The following PELO variants were observed in gnomAD, a reference collection of about 807,000 sequenced individuals.
The protein encoded by PELO is protein pelota homolog.
PELO carries 19 observed loss-of-function variants against 25.9 expected under a neutral mutation model. That is an observed-to-expected ratio of 0.73 (90% CI 0.51 to 1.08). PELO has a LOEUF of 1.08. PELO is among the 50% of genes least tolerant of loss of function. The pLI is 0.00. For missense variants in PELO, 498 were observed against 491.4 expected, an observed-to-expected ratio of 1.01 and a Z score of -0.13; for synonymous variants, 196 against 192.2, an observed-to-expected ratio of 1.02 and a Z score of -0.16.
At chr5:52,796,344 T>C (rs888168861) in intron 1 of PELO, among the ~76,000 whole-genome samples, 2 of 151,820 alleles carry the variant, frequency 1.3e-5, no homozygotes, top group Non-Finnish European at 3.0e-5. Flanking sequence ...TTAATATAAA[T>C]AAGACATTGT....
rs575739533 is a variant in PELO at position 52,791,419 on chromosome 5, C to T, written c.-511+3005C>T. On this transcript the variant is annotated intron_variant, in intron 1 of 2. Coordinates refer to ENST00000274311, the MANE Select transcript of PELO (RefSeq NM_015946.5). Reference sequence around the variant, plus strand: ...GTGGCCATTAGACTGGAGTTGTGGTCATAAAAAGGAATGCAGCTAGTGACA... The same window carrying T: ...GTGGCCATTAGACTGGAGTTGTGGTTATAAAAAGGAATGCAGCTAGTGACA... Among the ~76,000 whole-genome samples, 23 of 152,112 alleles carry T rather than the reference C, an allele frequency of 1.5e-4. No homozygotes were observed. The South Asian group carries it at 3.1e-3, about 21-fold the overall frequency.
intron 1 of PELO, among the ~76,000 whole-genome samples, 175 bp downstream of exon 1, chr5:52,788,589 T>C (rs1286854798): frequency 6.6e-6 from 1 of 152,180 alleles, no homozygotes; most frequent in Non-Finnish European, 1.5e-5. Flanking sequence ...CGTTCTGGTT[T>C]TGATATGAAT....
Position 52,800,339 on chromosome 5 carries a change from G to A in PELO, c.-56G>A. On this transcript the variant is annotated 5_prime_UTR_variant, in exon 2 of 3. Coordinates refer to ENST00000274311, the MANE Select transcript of PELO (RefSeq NM_015946.5). ...GCATTCCCATCCCCTCTCCCGGGGCGGAGGTGAGGACCTCCTTGGTTCCTT... is the reference window on the plus strand; with the variant it reads ...GCATTCCCATCCCCTCTCCCGGGGCAGAGGTGAGGACCTCCTTGGTTCCTT... 2 of 1,599,034 alleles carry A rather than the reference G, an allele frequency of 1.3e-6. No individual in the cohort carries two copies. The highest frequency in any genetic ancestry group is 1.7e-6 in the Non-Finnish European group (2 of 1,170,666).
intron 1 of PELO, among the ~76,000 whole-genome samples, chr5:52,797,753 C>T (rs920691651): frequency 6.6e-6 from 1 of 152,154 alleles, no homozygotes; most frequent in Non-Finnish European, 1.5e-5. Context: ...ATCTTGAAAA[C>T]ATTTCTTAAC....
chr5:52,790,249 G>T (rs539894710), intron 1 of PELO, among the ~76,000 whole-genome samples: 47 of 152,234 alleles, frequency 3.1e-4, no homozygotes, highest in African/African-American at 1.1e-3. Context: ...TCTGTTTTTA[G>T]TCAAAAATCT....
rs1748503986 is a variant in PELO at position 52,802,228 on chromosome 5, C to A, written c.*388C>A. 1 of 161,562 alleles carries A rather than the reference C, an allele frequency of 6.2e-6. No individual in the cohort carries two copies. The highest frequency in any genetic ancestry group is 1.4e-5 in the Non-Finnish European group (1 of 73,944). 10.0% of individuals were successfully genotyped at this position (161,562 alleles called of 1,614,324 possible). On this transcript the variant is annotated 3_prime_UTR_variant, in exon 3 of 3. Coordinates refer to ENST00000274311, the MANE Select transcript of PELO (RefSeq NM_015946.5). ...TAGAAAAAGCTTTTGCTATCTTATC[C>A]TGTTTACATTATTTCTTTATTTTAA...
At chr5:52,795,578 A>C (rs553027627) in intron 1 of PELO, among the ~76,000 whole-genome samples, 45 of 152,046 alleles carry the variant, frequency 3.0e-4, no homozygotes, top group African/African-American at 1.0e-3. Context: ...AGTAGAGCTG[A>C]ATAACATAAA....
Position 52,801,493 on chromosome 5 carries a change from G to C in PELO, c.811G>C (p.Ala271Pro), listed in dbSNP as rs1263222616. Residue 271 changes from alanine to proline, a missense_variant, in exon 3 of 3, where the codon GCT (alanine) becomes CCT (proline). Coordinates refer to ENST00000274311, the MANE Select transcript of PELO (RefSeq NM_015946.5). Reference protein sequence around the residue: ...TVASRLSDTKAAGEVKALDDF... With the variant: ...TVASRLSDTKPAGEVKALDDF... The stretch of plus-strand genomic sequence containing the variant: ...GGCTAGCCGCCTTTCAGACACTAAA[G>C]CTGCTGGGGAAGTCAAAGCCTTGGA... The C allele has an allele frequency of 1.2e-6, 2 of 1,613,986 alleles. No homozygotes were observed. Among genetic ancestry groups the C allele is most frequent in the East Asian group, 2.2e-5 (1 of 44,888 alleles).
Position 52,788,238 on chromosome 5 carries a change from C to A in PELO, c.-687C>A, listed in dbSNP as rs1748161009. The A allele has an allele frequency of 1.4e-6, 1 of 734,546 alleles. No individual in the cohort carries two copies. The highest frequency in any genetic ancestry group is 2.0e-6 in the Non-Finnish European group (1 of 493,316). 45.5% of individuals were successfully genotyped at this position (734,546 alleles called of 1,614,324 possible). A position where few individuals can be genotyped will look rare whatever the true frequency, so the allele number is the denominator to read the frequency against. On this transcript the variant is annotated 5_prime_UTR_variant, in exon 1 of 3. Coordinates refer to ENST00000274311, the MANE Select transcript of PELO (RefSeq NM_015946.5). ...CTCCTGGGCGCCGCTGCCACTGGGG[C>A]AGAGGACTGGGAACCGCGGCAGCGG...
intron 1 of PELO, among the ~76,000 whole-genome samples, chr5:52,798,247 C>G (rs773986704): frequency 1.3e-5 from 2 of 152,028 alleles, no homozygotes; most frequent in Non-Finnish European, 2.9e-5. Context: ...CTTGAGGGTA[C>G]TCAGTATGAT....
chr5:52,800,743 T>A lies in PELO; in HGVS notation c.349T>A (p.Trp117Arg), dbSNP rs1326710234. 3.7e-6 allele frequency: 6 copies of A among 1,613,946 alleles called. No homozygotes were observed. The highest frequency in any genetic ancestry group is 1.7e-6 in the Non-Finnish European group (2 of 1,180,020). The change falls in exon 2 of 3, where the codon TGG (tryptophan) becomes AGG (arginine). Residue 117 changes from tryptophan to arginine, a missense_variant. Coordinates refer to ENST00000274311, the MANE Select transcript of PELO (RefSeq NM_015946.5). The part of the protein sequence containing the change: ...NRQFTLAKKQ[W>R]DSVVLERIEQ... ...CCAGTTCACCCTGGCCAAGAAGCAG[T>A]GGGATAGTGTGGTACTGGAGCGCAT...
intron 1 of PELO, among the ~76,000 whole-genome samples, chr5:52,799,543 G>A (rs1748411179): frequency 1.3e-5 from 2 of 152,196 alleles, no homozygotes; most frequent in Admixed American, 1.3e-4. Flanking sequence ...TCTCTCTTGG[G>A]ACCAGCGCTT....
chr5:52,788,767 T>A (rs1049608046), intron 1 of PELO, among the ~76,000 whole-genome samples: 2 of 152,130 alleles, frequency 1.3e-5, no homozygotes, highest in Non-Finnish European at 2.9e-5. Flanking sequence ...TTTTATGGCA[T>A]GGGATGGGAG....
chr5:52,800,850 C>T lies in PELO; in HGVS notation c.456C>T (p.Val152=). The change falls in exon 2 of 3, where the codon GTC becomes GTT. Residue 152 remains valine, a synonymous_variant. Transcript: ENST00000274311. The part of the protein sequence containing the change: ...MQEGLAHICL[V]TPSMTLTRAK... ...AAGGCCTCGCCCATATCTGCTTAGT[C>T]ACTCCCAGCATGACCCTCACTCGGG... The T allele has an allele frequency of 6.2e-7, 1 of 1,608,584 alleles. No individual in the cohort carries two copies. The highest frequency in any genetic ancestry group is 8.5e-7 in the Non-Finnish European group (1 of 1,176,434).
chr5:52,790,302 C>T (rs889104960), intron 1 of PELO, among the ~76,000 whole-genome samples: 2 of 152,190 alleles, frequency 1.3e-5, no homozygotes, highest in African/African-American at 4.8e-5. Context: ...CCAAAATTCT[C>T]AACTGACTGC....
rs746604991 is a variant in PELO, at chr5:52,794,994, T to C, written c.-510-4891T>C. ...CCATTTTCTTACCTAAGCACGGCTA[T>C]CTCAAATATTGAAATAGGCTTATAC... On this transcript the variant is annotated intron_variant, in intron 1 of 2. Coordinates refer to ENST00000274311, the MANE Select transcript of PELO (RefSeq NM_015946.5). Among the ~76,000 whole-genome samples, 28 of 152,120 alleles carry C rather than the reference T, an allele frequency of 1.8e-4. 1 individual carries two copies. The highest frequency in any genetic ancestry group is 6.3e-4 in the African/African-American group (26 of 41,570).
intron 1 of PELO, among the ~76,000 whole-genome samples, chr5:52,799,335 A>G (rs1748406495): frequency 6.6e-6 from 1 of 152,150 alleles, no homozygotes; most frequent in African/African-American, 2.4e-5. Context: ...CCCACTTCCC[A>G]TAGCCTCGGC....
chr5:52,791,210 G>A (rs781552973), intron 1 of PELO, among the ~76,000 whole-genome samples: 4 of 152,148 alleles, frequency 2.6e-5, no homozygotes, highest in Admixed American at 6.5e-5. Context: ...TTTAACTGAA[G>A]ACAGTTTCAT....
chr5:52,795,176 G>A (rs1284403504), intron 1 of PELO, among the ~76,000 whole-genome samples: 1 of 151,880 alleles, frequency 6.6e-6, no homozygotes, highest in Non-Finnish European at 1.5e-5. Context: ...AAAAATATGA[G>A]TATGTGCCAC....
Sources: allele counts gnomAD v4.1 joint callset (sites outside exome capture counted in the v4.1 genomes callset), GRCh38; gene constraint gnomAD v4.1.1; transcripts MANE v1.5; gene names NCBI Gene and HGNC (gene_info 2026-07-23, HGNC 2026-07-21).